Variants in CEP290 observed in about 807,000 individuals in gnomAD.
The protein encoded by CEP290 is centrosomal protein 290, also known as centrosomal protein of 290 kDa.
A neutral mutation model predicts 344.9 loss-of-function variants in CEP290; 317 were observed. The ratio of observed to expected loss-of-function variants is 0.92; its 90% confidence interval spans 0.84 to 1.01. CEP290 has a LOEUF of 1.01. Ranked by LOEUF, CEP290 falls within the 50% of genes least tolerant of loss-of-function variation. The pLI is 0.00. For synonymous variants in CEP290, 932 were observed against 895.8 expected (o/e 1.04, Z -0.72); for missense variants, 2,754 against 2,761.4 (o/e 1.00, Z 0.06).
chr12:88,130,601 G>A, intron 7 of CEP290, 36 bp from the exon 8 acceptor site: 1 of 1,523,820 alleles, frequency 6.6e-7, no homozygotes, highest in Non-Finnish European at 8.8e-7. Flanking sequence ...AATTAGAAAT[G>A]AGAAAGGTAA....
At chr12:88,126,710 T>A (rs181879156) in intron 11 of CEP290, among the ~76,000 whole-genome samples, 1 of 152,222 alleles carries the variant, frequency 6.6e-6, no homozygotes, top group East Asian at 1.9e-4. Flanking sequence ...AAAACTCATT[T>A]ATAAACAAGA....
Position 88,068,579 on chromosome 12 carries a change from T to C in CEP290, c.6078A>G (p.Gln2026=), listed in dbSNP as rs763570903. Reference sequence around the variant, plus strand: ...GTTTTTCTAAAGCATGAAGTTTTTCTTGGAGGTATCTATTTTGTAAATGTA... The same window carrying C: ...GTTTTTCTAAAGCATGAAGTTTTTCCTGGAGGTATCTATTTTGTAAATGTA... ...EDLHLQNRYL[Q]EKLHALEKQF... is the part of the protein sequence containing the mutation. The change falls in exon 44 of 54, where the codon CAA becomes CAG. Residue 2026 remains glutamine, a synonymous_variant. Transcript: ENST00000552810. 2.0e-4 allele frequency: 316 copies of C among 1,590,660 alleles called. No individual in the cohort carries two copies. The highest frequency in any genetic ancestry group is 7.3e-5 in the Non-Finnish European group (86 of 1,170,902).
At position 88,053,789 on chromosome 12, in the gene CEP290, T is replaced by C. The variant is rs1425410979; in HGVS notation, c.7035-43A>G. 7.8e-6 allele frequency: 8 copies of C among 1,020,470 alleles called. No individual in the cohort carries two copies. In the Admixed American group the frequency reaches 9.8e-5, roughly 12 times the overall value. 63.2% of individuals were successfully genotyped at this position (1,020,470 alleles called of 1,614,324 possible). ...TGTGTTAAAAAAATAAAGCAGATAT[T>C]GCTTCATAAAATATATGGGCATTTC... On this transcript the variant is annotated intron_variant, in intron 51 of 53. Transcript: ENST00000552810.
chr12:88,092,827 G>A lies in CEP290; in HGVS notation c.3315C>T (p.Thr1105=). 2.5e-6 allele frequency: 4 copies of A among 1,606,868 alleles called. No homozygotes were observed. Among genetic ancestry groups the A allele is most frequent in the Non-Finnish European group, 3.4e-6 (4 of 1,177,414 alleles). ...CCTTCTGTGCATCCAAATTGATTTT[G>A]GTAAGCTAAGGAAATGTAACAAAAA... ...FELETKFAEL[T]KINLDAQKVE... Residue 1105 remains threonine (T), a synonymous_variant, in exon 29 of 54, where the codon ACC becomes ACT. Coordinates refer to ENST00000552810, the MANE Select transcript of CEP290 (RefSeq NM_025114.4).
At chr12:88,057,105 A>G (rs1328185238) in intron 49 of CEP290, among the ~76,000 whole-genome samples, 2 of 152,220 alleles carry the variant, frequency 1.3e-5, no homozygotes, top group Admixed American at 1.3e-4. Context: ...ATGGTTAAAT[A>G]TCATCATCAC....
rs1362963682 is a variant in CEP290, at chr12:88,084,734, A to G, written c.4556T>C (p.Ile1519Thr). 1.2e-6 allele frequency: 2 copies of G among 1,613,738 alleles called. No homozygotes were observed. The highest frequency in any genetic ancestry group is 1.7e-6 in the Non-Finnish European group (2 of 1,179,724). ...LPATAEREKLIAELGRKEMEP... is the reference protein window; with the variant it reads ...LPATAEREKLTAELGRKEMEP... ...CATCTCTTTTCTGCCTAGCTCAGCTATGAGCTTTTCTCTTTCTGCAGTGGC... is the reference window on the plus strand; with the variant it reads ...CATCTCTTTTCTGCCTAGCTCAGCTGTGAGCTTTTCTCTTTCTGCAGTGGC... Residue 1519 changes from isoleucine to threonine, a missense_variant, in exon 35 of 54, where the codon ATA becomes ACA. By Grantham distance (89) the Ile-to-Thr change is moderately conservative. Coordinates refer to ENST00000552810, the MANE Select transcript of CEP290 (RefSeq NM_025114.4).
At chr12:88,138,670 T>C (rs2040471742) in intron 5 of CEP290, among the ~76,000 whole-genome samples, 1 of 152,188 alleles carries the variant, frequency 6.6e-6, no homozygotes, top group African/African-American at 2.4e-5. Context: ...CCCACGCTCA[T>C]CCACTCATCC....
At chr12:88,071,196 A>C (rs2035345986) in intron 43 of CEP290, 98 bp downstream of exon 43, 1 of 970,698 alleles carries the variant, frequency 1.0e-6, no homozygotes, top group Non-Finnish European at 1.5e-6. Context: ...AAGAAAACAT[A>C]ACCCAAGCTT....
intron 25 of CEP290, chr12:88,104,240 T>C (rs1480884322): frequency 1.3e-5 from 2 of 152,106 alleles, no homozygotes; most frequent in Non-Finnish European, 2.9e-5. Flanking sequence ...ATTACAACCT[T>C]TAAAGTGGAA....
chr12:88,136,679 T>C lies in CEP290; in HGVS notation c.405A>G (p.Glu135=). The C allele has an allele frequency of 6.2e-7, 1 of 1,613,790 alleles. No homozygotes were observed. The highest frequency in any genetic ancestry group is 8.5e-7 in the Non-Finnish European group (1 of 1,179,756). The change falls in exon 6 of 54, where the codon GAA becomes GAG. Residue 135 remains glutamate (E), a synonymous_variant. Transcript: ENST00000552810. The part of the protein sequence containing the change: ...EQKDRELEDM[E]KELEKEKKVN... ...CTTTCTTCTCTTTCTCCAACTCCTT[T>C]TCCATGTCCTCCAATTCTCTATCTT...
At chr12:88,050,600 C>T (rs999437438) in intron 52 of CEP290, among the ~76,000 whole-genome samples, 167 bp from the exon 53 acceptor site, 5 of 152,144 alleles carry the variant, frequency 3.3e-5, no homozygotes, top group Admixed American at 1.3e-4. Context: ...TTAATGCTGC[C>T]TCCCTCCATC....
intron 26 of CEP290, among the ~76,000 whole-genome samples, chr12:88,102,611 G>A (rs1401940764): frequency 1.3e-5 from 2 of 150,524 alleles, no homozygotes; most frequent in African/African-American, 4.9e-5. Flanking sequence ...TCATTCAGAA[G>A]TCATTCAGCC....
Position 88,096,921 on chromosome 12 carries a change from T to A in CEP290, c.3070A>T (p.Ile1024Phe). ...GTTTCCTGTTCCCAGGCTTGTTCAA[T>A]AGTGTGAAGTTTTTCCTTGGTAATC... is the stretch of plus-strand genomic sequence containing the variant. ...LEITKEKLHT[I>F]EQAWEQETKL... Residue 1024 changes from isoleucine (I) to phenylalanine (F), a missense_variant, in exon 27 of 54, where the codon ATT becomes TTT. Transcript: ENST00000552810. The A allele has an allele frequency of 1.3e-6, 2 of 1,579,838 alleles. No individual in the cohort carries two copies. The highest frequency in any genetic ancestry group is 1.7e-6 in the Non-Finnish European group (2 of 1,159,572).
At position 88,084,731 on chromosome 12, in the gene CEP290, G is replaced by T; in HGVS notation, c.4559C>A (p.Ala1520Asp). The T allele has an allele frequency of 6.2e-7, 1 of 1,613,624 alleles. No homozygotes were observed. The part of the protein sequence containing the change: ...PATAEREKLI[A>D]ELGRKEMEPK... ...TTCCATCTCTTTTCTGCCTAGCTCAGCTATGAGCTTTTCTCTTTCTGCAGT... is the reference window on the plus strand; with the variant it reads ...TTCCATCTCTTTTCTGCCTAGCTCATCTATGAGCTTTTCTCTTTCTGCAGT... The change falls in exon 35 of 54, where the codon GCT becomes GAT. Residue 1520 changes from alanine (A) to aspartate (D), a missense_variant. Ala to Asp is a moderately radical substitution (Grantham distance 126, BLOSUM62 -2). Transcript: ENST00000552810.
intron 27 of CEP290, among the ~76,000 whole-genome samples, chr12:88,096,133 C>G (rs533986567): frequency 3.0e-4 from 46 of 152,060 alleles, no homozygotes; most frequent in African/African-American, 1.1e-3. Flanking sequence ...ACTGCAACCT[C>G]TGACTCCTAG....
At position 88,129,048 on chromosome 12, in the gene CEP290, GT is replaced by G; in HGVS notation, c.853-14del. The G allele has an allele frequency of 8.5e-7, 1 of 1,170,246 alleles. No homozygotes were observed. The highest frequency in any genetic ancestry group is 2.1e-4 in the Middle Eastern group (1 of 4,722). 72.5% of individuals were successfully genotyped at this position (1,170,246 alleles called of 1,614,324 possible). On this transcript the variant is annotated splice_polypyrimidine_tract_variant and intron_variant, in intron 10 of 53. Transcript: ENST00000552810. ...TAAGCTCCTGCACCTAAAAGACAAA[GT>G]TATTTCAAGAGTTGTTGCAAACTGA...
At chr12:88,053,790 G>T in intron 51 of CEP290, 44 bp from the exon 52 acceptor site, 1 of 1,009,722 alleles carries the variant, frequency 9.9e-7, no homozygotes, top group Non-Finnish European at 1.5e-6. Context: ...AGCAGATATT[G>T]CTTCATAAAA....
chr12:88,100,025 A>G (rs2037749896), intron 26 of CEP290, among the ~76,000 whole-genome samples: 1 of 151,352 alleles, frequency 6.6e-6, no homozygotes, highest in South Asian at 2.1e-4. Context: ...CATGCCTGTA[A>G]TCCCAGCACT....
At chr12:88,057,838 T>C (rs75562834) in intron 49 of CEP290, 21,307 of 152,318 alleles carry the variant, frequency 0.14, 1,963 homozygotes, top group Middle Eastern at 0.35. Context: ...ATCCTAGTTG[T>C]AGTGATCACT....
Sources: allele counts gnomAD v4.1 joint callset (sites outside exome capture counted in the v4.1 genomes callset), GRCh38; gene constraint gnomAD v4.1.1; transcripts MANE v1.5; gene names NCBI Gene and HGNC (gene_info 2026-07-23, HGNC 2026-07-21).